Variants in CCDC63 observed in about 807,000 individuals in gnomAD.
The protein encoded by CCDC63 is coiled-coil domain-containing protein 63.
A neutral mutation model predicts 63.6 loss-of-function variants in CCDC63; 54 were observed. The ratio of observed to expected loss-of-function variants is 0.85; its 90% confidence interval spans 0.68 to 1.07. The LOEUF is 1.07. Among genes scored for constraint, CCDC63 ranks in the 50% least tolerant of loss-of-function variants. The pLI is 0.00. For missense variants in CCDC63, 637 were observed against 689.6 expected, an observed-to-expected ratio of 0.92 and a Z score of 0.86; for synonymous variants, 253 against 266.1, an observed-to-expected ratio of 0.95 and a Z score of 0.48.
chr12:110,871,863 A>G (rs1309299051), intron 4 of CCDC63, among the ~76,000 whole-genome samples: 2 of 152,114 alleles, frequency 1.3e-5, no homozygotes, highest in Non-Finnish European at 2.9e-5. Flanking sequence ...TTGCATCTAA[A>G]TCACCTCTTC....
intron 8 of CCDC63, among the ~76,000 whole-genome samples, chr12:110,892,155 G>A (rs2071364982): frequency 6.6e-6 from 1 of 152,138 alleles, no homozygotes; most frequent in Non-Finnish European, 1.5e-5. Flanking sequence ...GAGAGTCTGA[G>A]AGTATGCTCA....
At chr12:110,904,949 T>A (rs1417485721) in intron 11 of CCDC63, among the ~76,000 whole-genome samples, 158 bp downstream of exon 11, 1 of 152,120 alleles carries the variant, frequency 6.6e-6, no homozygotes, top group Non-Finnish European at 1.5e-5. Context: ...TTGGGTGCCA[T>A]CTTGGCTGTG....
intron 4 of CCDC63, among the ~76,000 whole-genome samples, chr12:110,866,986 CG>C (rs2070961592): frequency 7.7e-6 from 1 of 129,334 alleles, no homozygotes; most frequent in Non-Finnish European, 1.7e-5. Flanking sequence ...GGCGGCTGGC[CG>C]GGCGGGGGGC....
chr12:110,884,852 A>ATT lies in CCDC63; in HGVS notation c.1074+619_1074+620dup, dbSNP rs34391026. Among the ~76,000 whole-genome samples the ATT allele has an allele frequency of 6.0e-3, 785 of 130,662 alleles. 4 individuals are homozygous for ATT. The highest frequency in any genetic ancestry group is 8.7e-3 in the Non-Finnish European group (548 of 62,708). 85.7% of individuals were successfully genotyped at this position (130,662 alleles called of 152,430 possible). On this transcript the variant is annotated intron_variant, in intron 8 of 11. Coordinates refer to ENST00000308208, the MANE Select transcript of CCDC63 (RefSeq NM_152591.3). ...CAGGTGCCCGCCACGACGCCCTGCT[A>ATT]TTTTTTTTTTTTTTTTTTGTATTTT...
Position 110,853,058 on chromosome 12 carries a change from C to T in CCDC63, c.9+95C>T. 2.9e-6 allele frequency: 4 copies of T among 1,380,474 alleles called. No homozygotes were observed. In the South Asian group the frequency reaches 3.6e-5, roughly 12 times the overall value. The allele number at this position is 1,380,474 out of a possible 1,614,324, so 85.5% of individuals were successfully genotyped here. ...CGTTAGCTCGTCTCATCCTGACAAA[C>T]AGATCTGTGCTCACCCATTTTGTAG... On this transcript the variant is annotated intron_variant, in intron 2 of 11. Coordinates refer to ENST00000308208, the MANE Select transcript of CCDC63 (RefSeq NM_152591.3).
intron 4 of CCDC63, among the ~76,000 whole-genome samples, chr12:110,867,486 G>T (rs1442964150): frequency 2.2e-5 from 2 of 90,668 alleles, no homozygotes; most frequent in Admixed American, 1.1e-4. Context: ...GGGCAGAGGC[G>T]CCCCTCACCT....
chr12:110,868,579 G>A (rs1263592692), intron 4 of CCDC63, among the ~76,000 whole-genome samples: 1 of 151,712 alleles, frequency 6.6e-6, no homozygotes, highest in Admixed American at 6.6e-5. Context: ...AAACCAGTCA[G>A]GTGTGGCGGC....
intron 8 of CCDC63, among the ~76,000 whole-genome samples, chr12:110,892,609 G>A (rs1191609515): frequency 6.6e-6 from 1 of 152,100 alleles, no homozygotes; most frequent in Non-Finnish European, 1.5e-5. Context: ...CCTGAGGTCA[G>A]GAGTTTGAGA....
chr12:110,857,059 C>T (rs543500961), intron 3 of CCDC63, among the ~76,000 whole-genome samples: 2 of 152,084 alleles, frequency 1.3e-5, no homozygotes, highest in East Asian at 1.9e-4. Flanking sequence ...TCTGCCTCGG[C>T]CTCCCAAAGT....
chr12:110,868,701 G>A (rs1475666745), intron 4 of CCDC63, among the ~76,000 whole-genome samples: 2 of 144,280 alleles, frequency 1.4e-5, no homozygotes, highest in African/African-American at 2.6e-5. Flanking sequence ...CGCATGAGAG[G>A]GAGACCGTGG....
intron 8 of CCDC63, among the ~76,000 whole-genome samples, chr12:110,888,779 GTCCTTCTT>G (rs1391931407): frequency 6.9e-5 from 10 of 144,192 alleles, no homozygotes; most frequent in African/African-American, 1.0e-4. Context: ...TTTTTTTTTG[GTCCTTCTT>G]TCCTTCCTTC....
chr12:110,895,228 C>T lies in CCDC63; in HGVS notation c.1149+2078C>T, dbSNP rs565005566. Among the ~76,000 whole-genome samples the T allele has an allele frequency of 7.9e-5, 12 of 152,350 alleles. No homozygotes were observed. In the East Asian group the frequency reaches 1.7e-3, roughly 22 times the overall value. ...TCCCGGGTTCATGCGATTCTCCTGCCTCAGCCTCCCGAGTAGCTGGGATTA... is the reference window on the plus strand; with the variant it reads ...TCCCGGGTTCATGCGATTCTCCTGCTTCAGCCTCCCGAGTAGCTGGGATTA... On this transcript the variant is annotated intron_variant, in intron 9 of 11. Transcript: ENST00000308208.
intron 5 of CCDC63, 130 bp downstream of exon 5, chr12:110,874,091 T>G (rs2071101160): frequency 8.9e-6 from 11 of 1,229,464 alleles, no homozygotes; most frequent in Non-Finnish European, 1.2e-5. Flanking sequence ...GGTGAACTAA[T>G]GGCCACACAG....
chr12:110,874,893 G>C (rs1054126560), intron 5 of CCDC63, among the ~76,000 whole-genome samples: 2 of 152,098 alleles, frequency 1.3e-5, no homozygotes, highest in South Asian at 4.2e-4. Context: ...GGTTCCCCTG[G>C]AAAAGCAAAA....
rs933863906 is a variant in CCDC63, at chr12:110,889,418, G to A, written c.1075-3658G>A. Among the ~76,000 whole-genome samples the A allele has an allele frequency of 1.3e-5, 2 of 152,182 alleles. No homozygotes were observed. The highest frequency in any genetic ancestry group is 2.9e-5 in the Non-Finnish European group (2 of 68,042). On this transcript the variant is annotated intron_variant, in intron 8 of 11. Coordinates refer to ENST00000308208, the MANE Select transcript of CCDC63 (RefSeq NM_152591.3). This position sits in a 1 kb window ranked among gnomAD's most constrained non-coding sequence, Gnocchi z 4.1. Reference sequence around the variant, plus strand: ...ACAGCGTAAGACGGGTTTTGGAGCCGGTTGGGGCCCCGGGCAGTTGAGAAG... The same window carrying A: ...ACAGCGTAAGACGGGTTTTGGAGCCAGTTGGGGCCCCGGGCAGTTGAGAAG...
intron 10 of CCDC63, among the ~76,000 whole-genome samples, chr12:110,903,553 T>A (rs1020537896): frequency 6.6e-6 from 1 of 152,180 alleles, no homozygotes; most frequent in Non-Finnish European, 1.5e-5. Context: ...ATTGTTTTGT[T>A]TTTCCTCCAT....
chr12:110,886,152 C>T (rs148160596), intron 8 of CCDC63, among the ~76,000 whole-genome samples: 5,886 of 152,064 alleles, frequency 0.039, 391 homozygotes, highest in African/African-American at 0.13. Flanking sequence ...TTTGGGAGGC[C>T]GAGGCGGGTG....
At chr12:110,859,990 C>G (rs1198193807) in intron 4 of CCDC63, among the ~76,000 whole-genome samples, 1 of 152,170 alleles carries the variant, frequency 6.6e-6, no homozygotes, top group Non-Finnish European at 1.5e-5. Context: ...TGCCCCCTCT[C>G]CAGGTTATAC....
chr12:110,893,076 G>T lies in CCDC63; in HGVS notation c.1075G>T (p.Asp359Tyr). ...MMHKRTQRIQ[D>Y]EIILLRSQQK... ...CATGGTCTTGTTCTCTCCCGAGCAG[G>T]ACGAGATCATCCTCTTGCGATCCCA... Residue 359 changes from aspartate (D) to tyrosine (Y), a missense_variant and splice_region_variant, in exon 9 of 12, where the codon GAC becomes TAC. Coordinates refer to ENST00000308208, the MANE Select transcript of CCDC63 (RefSeq NM_152591.3). 1.2e-6 allele frequency: 2 copies of T among 1,614,000 alleles called. No individual in the cohort carries two copies. The highest frequency in any genetic ancestry group is 1.7e-6 in the Non-Finnish European group (2 of 1,179,918).
Sources: allele counts gnomAD v4.1 joint callset (sites outside exome capture counted in the v4.1 genomes callset), GRCh38; gene constraint gnomAD v4.1.1; non-coding constraint Gnocchi (gnomAD v3.1); transcripts MANE v1.5; gene names NCBI Gene and HGNC (gene_info 2026-07-23, HGNC 2026-07-21).